The following TTC27 variants were observed in gnomAD, a reference collection of about 807,000 sequenced individuals.
TTC27 encodes tetratricopeptide repeat protein 27.
In TTC27, 79 loss-of-function variants were observed where a neutral mutation model predicts 115.9. That is an observed-to-expected ratio of 0.68 (90% CI 0.57 to 0.82). TTC27 has a LOEUF of 0.82. Ranked by LOEUF, TTC27 falls within the 40% of genes least tolerant of loss-of-function variation. The pLI, the probability that TTC27 is intolerant of heterozygous loss-of-function variation, is 0.00. For missense variants in TTC27, 1,054 were observed against 993.1 expected (o/e 1.06, Z -0.82); for synonymous variants, 401 against 356.0 (o/e 1.13, Z -1.42).
chr2:32,766,357 A>C, intron 13 of TTC27: 1 of 219,560 alleles, frequency 4.6e-6, no homozygotes, highest in Non-Finnish European at 9.7e-6. Context: ...GTCCCTCATC[A>C]TTTCTAGCTT....
At chr2:32,749,785 T>G (rs1668948667) in intron 12 of TTC27, among the ~76,000 whole-genome samples, 1 of 152,198 alleles carries the variant, frequency 6.6e-6, no homozygotes, top group Admixed American at 6.5e-5. Context: ...GGCATGTTAA[T>G]ATATACTACT....
Position 32,777,961 on chromosome 2 carries a change from G to C in TTC27, c.1760G>C (p.Cys587Ser). 1 of 1,614,050 alleles carries C rather than the reference G, an allele frequency of 6.2e-7. No homozygotes were observed. The highest frequency in any genetic ancestry group is 1.3e-5 in the African/African-American group (1 of 75,026). The change falls in exon 14 of 20, where the codon TGT becomes TCT. Residue 587 changes from cysteine to serine, a missense_variant. Physicochemically the swap from Cys to Ser is moderately radical, Grantham distance 112 (BLOSUM62 -1). Coordinates refer to ENST00000317907, the MANE Select transcript of TTC27 (RefSeq NM_017735.5). ...YQGSAKAFQR[C>S]VTLEPDNAEA... ...GGTTCAGCAAAGGCATTTCAGCGCT[G>C]TGTGACTCTAGAACCCGATGTAAGT...
At chr2:32,782,248 A>T (rs1432831127) in intron 14 of TTC27, among the ~76,000 whole-genome samples, 1 of 152,196 alleles carries the variant, frequency 6.6e-6, no homozygotes, top group Admixed American at 6.5e-5. Flanking sequence ...GTGAAGAAGG[A>T]TGACAGTATA....
chr2:32,690,160 A>G (rs563910807), intron 9 of TTC27, among the ~76,000 whole-genome samples: 138 of 152,336 alleles, frequency 9.1e-4, no homozygotes, highest in Non-Finnish European at 1.6e-3. Flanking sequence ...TTTGTTATAG[A>G]ACATTTTGCT....
chr2:32,658,145 T>C (rs1327210644), intron 5 of TTC27, among the ~76,000 whole-genome samples: 1 of 152,076 alleles, frequency 6.6e-6, no homozygotes, highest in Non-Finnish European at 1.5e-5. Flanking sequence ...AAATTTTTTT[T>C]TAGAGACTGC....
chr2:32,789,753 CTACAAAAAAAA>C (rs755565054), intron 16 of TTC27, among the ~76,000 whole-genome samples: 10 of 151,362 alleles, frequency 6.6e-5, no homozygotes, highest in African/African-American at 1.5e-4. Flanking sequence ...AACCCTTTCT[CTACAAAAAAAA>C]TACAAAAAAA....
At chr2:32,699,648 A>G (rs1667116002) in intron 9 of TTC27, among the ~76,000 whole-genome samples, 4 of 152,198 alleles carry the variant, frequency 2.6e-5, no homozygotes, top group Admixed American at 2.6e-4. Context: ...CATGGGCAGC[A>G]GTGTTTTATA....
chr2:32,708,603 C>T (rs561137420), intron 10 of TTC27, among the ~76,000 whole-genome samples: 5 of 151,846 alleles, frequency 3.3e-5, no homozygotes, highest in Non-Finnish European at 5.9e-5. Context: ...CCACTGCGCC[C>T]GGCCTCTTTT....
chr2:32,805,713 A>G (rs1433419342), intron 16 of TTC27, among the ~76,000 whole-genome samples: 3 of 152,232 alleles, frequency 2.0e-5, no homozygotes, highest in Non-Finnish European at 4.4e-5. Flanking sequence ...GTTACTGTCC[A>G]CTTCCAACAG....
intron 10 of TTC27, among the ~76,000 whole-genome samples, chr2:32,727,153 C>T (rs567150860): frequency 1.9e-4 from 29 of 152,230 alleles, no homozygotes; most frequent in Admixed American, 7.9e-4. Context: ...ATGAGAGTTT[C>T]GGAAAACCTC....
At chr2:32,817,339 G>T in intron 18 of TTC27, 118 bp from the exon 19 acceptor site, 2 of 735,918 alleles carry the variant, frequency 2.7e-6, no homozygotes, top group Non-Finnish European at 4.5e-6. Context: ...AACTTTCCAG[G>T]TAGAAGTGTT....
intron 14 of TTC27, among the ~76,000 whole-genome samples, 168 bp downstream of exon 14, chr2:32,778,148 T>C (rs1375525822): frequency 6.6e-6 from 1 of 152,230 alleles, no homozygotes; most frequent in East Asian, 1.9e-4. Flanking sequence ...AATAAGTTAA[T>C]ATTTCATGGT....
At chr2:32,715,675 T>C (rs886683131) in intron 10 of TTC27, among the ~76,000 whole-genome samples, 3 of 152,198 alleles carry the variant, frequency 2.0e-5, no homozygotes, top group Non-Finnish European at 2.9e-5. Flanking sequence ...AACATTTCTC[T>C]TTAAAGTTGG....
chr2:32,666,900 T>G, intron 7 of TTC27, 132 bp downstream of exon 7: 1 of 1,131,284 alleles, frequency 8.8e-7, no homozygotes, highest in East Asian at 2.7e-5. Context: ...TTTTAAAGGT[T>G]GCTGAGTCAG....
chr2:32,711,344 C>T (rs1407855686), intron 10 of TTC27, among the ~76,000 whole-genome samples: 4 of 152,110 alleles, frequency 2.6e-5, no homozygotes, highest in African/African-American at 9.7e-5. Context: ...TCTTTACTTC[C>T]CCAACGCAGA....
intron 13 of TTC27, among the ~76,000 whole-genome samples, chr2:32,759,749 C>T (rs1669370748): frequency 6.6e-6 from 1 of 152,188 alleles, no homozygotes; most frequent in Admixed American, 6.5e-5. Context: ...CATCCTGGCA[C>T]CTGCAACCAC....
chr2:32,770,444 G>A (rs1669788394), intron 13 of TTC27, among the ~76,000 whole-genome samples: 1 of 152,224 alleles, frequency 6.6e-6, no homozygotes, highest in Non-Finnish European at 1.5e-5. Context: ...GGATATCATA[G>A]TATGCTAGGA....
At chr2:32,699,321 A>G (rs894935004) in intron 9 of TTC27, among the ~76,000 whole-genome samples, 3 of 152,232 alleles carry the variant, frequency 2.0e-5, no homozygotes, top group Non-Finnish European at 2.9e-5. Context: ...CCTTGTAGGC[A>G]TTGGGGTGAT....
chr2:32,813,457 G>C (rs189869762), intron 18 of TTC27, among the ~76,000 whole-genome samples: 1 of 152,268 alleles, frequency 6.6e-6, no homozygotes, highest in African/African-American at 2.4e-5. Flanking sequence ...AGTTGACCTT[G>C]GGTAAATAAT....
Sources: allele counts gnomAD v4.1 joint callset (sites outside exome capture counted in the v4.1 genomes callset), GRCh38; gene constraint gnomAD v4.1.1; transcripts MANE v1.5; gene names NCBI Gene and HGNC (gene_info 2026-07-23, HGNC 2026-07-21).